IL1R1: variants seen among roughly 807,000 people sequenced by gnomAD.
The protein encoded by IL1R1 is interleukin-1 receptor type 1.
In IL1R1, 22 loss-of-function variants were observed where a neutral mutation model predicts 50.2. The ratio of observed to expected loss-of-function variants is 0.44; its 90% CI spans 0.31 to 0.63. The LOEUF is 0.63. Ranked by LOEUF, IL1R1 falls within the 20% of genes least tolerant of loss-of-function variation. IL1R1 has a pLI of 0.07. For synonymous variants in IL1R1, 251 were observed against 236.7 expected (o/e 1.06, Z -0.55); for missense variants, 509 against 676.2 (o/e 0.75, Z 2.74).
At chr2:102,089,763 T>C (rs959159677) in intron 1 of IL1R1, among the ~76,000 whole-genome samples, 6 of 152,146 alleles carry the variant, frequency 3.9e-5, no homozygotes, top group African/African-American at 1.2e-4. Context: ...GCTTTTAAAT[T>C]GTTGCTATTT....
At chr2:102,108,232 G>A (rs200483567) in intron 1 of IL1R1, among the ~76,000 whole-genome samples, 42 of 96,102 alleles carry the variant, frequency 4.4e-4, no homozygotes, top group African/African-American at 1.7e-3. Flanking sequence ...GTATGTATGT[G>A]TGTGTGTGTG....
chr2:102,147,572 C>G (rs1683266142), intron 1 of IL1R1, among the ~76,000 whole-genome samples: 1 of 152,154 alleles, frequency 6.6e-6, no homozygotes, highest in Non-Finnish European at 1.5e-5. Context: ...GAGGCCCATC[C>G]CTGTCTCTGG....
At chr2:102,149,763 G>A (rs1012982083) in intron 1 of IL1R1, among the ~76,000 whole-genome samples, 2 of 152,142 alleles carry the variant, frequency 1.3e-5, no homozygotes, top group African/African-American at 4.8e-5. Flanking sequence ...CATGCTCAGG[G>A]CCCCTTCCAA....
chr2:102,103,819 C>T (rs536775324), upstream of IL1R1, among the ~76,000 whole-genome samples: 1 of 151,854 alleles, frequency 6.6e-6, no homozygotes, highest in Non-Finnish European at 1.5e-5. Context: ...CATGGTGAAA[C>T]CCCATCTCTA....
At chr2:102,142,135 A>G (rs1682693995), upstream of IL1R1, 1 of 152,206 alleles carries the variant, frequency 6.6e-6, no homozygotes, top group South Asian at 2.1e-4. Context: ...CAACAATGAA[A>G]CCAGCAGATA....
Position 102,172,770 on chromosome 2 carries a change from A to T in IL1R1, c.923A>T (p.His308Leu). ...ISEIESRFYK[H>L]PFTCFAKNTH... The stretch of plus-strand genomic sequence containing the variant: ...GAAATTGAAAGTAGATTTTATAAAC[A>T]TCCATTTACCTGTTTTGCCAAGAAT... The change falls in exon 9 of 12, where the codon CAT (histidine) becomes CTT (leucine). Residue 308 changes from histidine to leucine, a missense_variant. His to Leu is a moderately conservative substitution (Grantham distance 99, BLOSUM62 -3). Transcript: ENST00000410023. The T allele has an allele frequency of 6.2e-7, 1 of 1,611,842 alleles. No homozygotes were observed. The highest frequency in any genetic ancestry group is 8.5e-7 in the Non-Finnish European group (1 of 1,177,948).
Position 102,175,493 on chromosome 2 carries a change from C to T in IL1R1, c.1151C>T (p.Thr384Ile), listed in dbSNP as rs185117655. 5.6e-6 allele frequency: 9 copies of T among 1,613,250 alleles called. No individual in the cohort carries two copies. The Admixed American group carries it at 1.2e-4, about 21-fold the overall frequency. ...FLPIKASDGK[T>I]YDAYILYPKT... is the part of the protein sequence containing the mutation. ...TTTCCTTTAGCTTCAGATGGAAAGA[C>T]CTATGACGCATATATACTGTATCCA... The change falls in exon 11 of 12, where the codon ACC becomes ATC. Residue 384 changes from threonine (T) to isoleucine (I), a missense_variant. Coordinates refer to ENST00000410023, the MANE Select transcript of IL1R1 (RefSeq NM_000877.4).
rs1686359289 is a variant in IL1R1 at position 102,178,904 on chromosome 2, A to G, written c.*2145A>G. 6.6e-6 allele frequency: 1 copy of G among 152,324 alleles called. No homozygotes were observed. The highest frequency in any genetic ancestry group is 2.1e-4 in the South Asian group (1 of 4,834). The allele number at this position is 152,324 out of a possible 1,614,324, so 9.4% of individuals were successfully genotyped here. A position where few individuals can be genotyped will look rare whatever the true frequency, so the allele number is the denominator to read the frequency against. ...GGTTTTTATATTTCTCGTATTTAAT[A>G]TGGGTGAACACCAACTTTTATTTGG... On this transcript the variant is annotated 3_prime_UTR_variant, in exon 12 of 12. Coordinates refer to ENST00000410023, the MANE Select transcript of IL1R1 (RefSeq NM_000877.4).
chr2:102,122,885 A>G (rs1681478234), intron 1 of IL1R1, among the ~76,000 whole-genome samples: 1 of 152,242 alleles, frequency 6.6e-6, no homozygotes, highest in South Asian at 2.1e-4. Context: ...ATGTATTTCA[A>G]TGTAAAATTC....
chr2:102,147,419 C>T (rs1683244759), intron 1 of IL1R1, among the ~76,000 whole-genome samples: 2 of 152,194 alleles, frequency 1.3e-5, no homozygotes, highest in African/African-American at 4.8e-5. Flanking sequence ...CTCTGGTTCT[C>T]AGTCAACTTT....
chr2:102,156,610 C>G lies in IL1R1; in HGVS notation c.-6-1109C>G, dbSNP rs140905733. On this transcript the variant is annotated intron_variant, in intron 2 of 11. Transcript: ENST00000410023. ...CACTGCAACCCCCGCCTCCTGGGTT[C>G]AAGCAATTCTCCCACCTCAGCCTCC... is the stretch of plus-strand genomic sequence containing the variant. Among the ~76,000 whole-genome samples the G allele has an allele frequency of 7.5e-3, 1,139 of 151,940 alleles. 15 individuals carry two copies. Among genetic ancestry groups the G allele is most frequent in the African/African-American group, 0.027 (1,104 of 41,384 alleles).
intron 1 of IL1R1, among the ~76,000 whole-genome samples, chr2:102,117,833 G>C (rs1681172395): frequency 6.6e-6 from 1 of 152,074 alleles, no homozygotes; most frequent in Admixed American, 6.6e-5. Flanking sequence ...TAGGACCTTG[G>C]AAGAGTACCA....
rs1414328152 is a variant in IL1R1 at position 102,178,479 on chromosome 2, T to TA, written c.*1727dup. On this transcript the variant is annotated 3_prime_UTR_variant, in exon 12 of 12. Transcript: ENST00000410023. ...TATATAGAGAAAGTGACCTATTTTTTAAAAAAATCACACTCTAAGTTCTAT... is the reference window on the plus strand; with the variant it reads ...TATATAGAGAAAGTGACCTATTTTTTAAAAAAAATCACACTCTAAGTTCTAT... 5 of 152,248 alleles carry TA rather than the reference T, an allele frequency of 3.3e-5. No individual in the cohort carries two copies. In the East Asian group the frequency reaches 5.7e-4, roughly 17 times the overall value. The allele number at this position is 152,248 out of a possible 1,614,324, so 9.4% of individuals were successfully genotyped here.
In IL1R1 at chr2:102,134,961, C is replaced by G. The variant is rs539737160; in HGVS notation, c.-83-18980C>G. On this transcript the variant is annotated intron_variant, in intron 1 of 10. Coordinates refer to the IL1R1 transcript ENST00000409329. ...GTTTCCCTGTGTCATTATTTTCATGCCCAGATTTAGCTGGGATATTGCTAG... is the reference window on the plus strand; with the variant it reads ...GTTTCCCTGTGTCATTATTTTCATGGCCAGATTTAGCTGGGATATTGCTAG... Among the ~76,000 whole-genome samples the G allele has an allele frequency of 1.2e-3, 185 of 152,220 alleles. 3 individuals are homozygous for G. Among genetic ancestry groups the G allele is most frequent in the Non-Finnish European group, 2.8e-4 (19 of 68,038 alleles).
intron 1 of IL1R1, among the ~76,000 whole-genome samples, chr2:102,116,775 C>A (rs1681098781): frequency 6.6e-6 from 1 of 152,190 alleles, no homozygotes; most frequent in East Asian, 1.9e-4. Context: ...GTTCACTTTT[C>A]CTTCTAGTGG....
rs201702622 is a variant in IL1R1 at position 102,176,335 on chromosome 2, G to T, written c.1304-18G>T. 2.8e-5 allele frequency: 45 copies of T among 1,608,288 alleles called. No homozygotes were observed. Among genetic ancestry groups the T allele is most frequent in the Non-Finnish European group, 3.8e-5 (45 of 1,177,182 alleles). On this transcript the variant is annotated intron_variant, in intron 11 of 11. Coordinates refer to ENST00000410023, the MANE Select transcript of IL1R1 (RefSeq NM_000877.4). ...TAAATAGAATTTTACTTACTATATTGTGCTTCCTGTTTTTCAGACATTGTT... is the reference window on the plus strand; with the variant it reads ...TAAATAGAATTTTACTTACTATATTTTGCTTCCTGTTTTTCAGACATTGTT...
chr2:102,097,393 T>A (rs1445841437), intron 1 of IL1R1, among the ~76,000 whole-genome samples: 1 of 152,220 alleles, frequency 6.6e-6, no homozygotes, highest in Non-Finnish European at 1.5e-5. Context: ...AGTGTGGACC[T>A]CTTTCTGTTT....
chr2:102,077,489 C>T lies in IL1R1; in HGVS notation c.-84+6956C>T, dbSNP rs1474390986. Among the ~76,000 whole-genome samples, 5 of 152,166 alleles carry T rather than the reference C, an allele frequency of 3.3e-5. No individual in the cohort carries two copies. The East Asian group carries it at 9.6e-4, about 29-fold the overall frequency. On this transcript the variant is annotated intron_variant, in intron 1 of 11. Transcript: ENST00000409929. ...ATTAGTTATTTTACCTTAAAAAAAT[C>T]TCTTTTGTGTCTCTGTTCAACATGC...
chr2:102,104,813 T>C (rs1471282932), exon 1 of IL1R1: 1 of 152,204 alleles, frequency 6.6e-6, no homozygotes, highest in Non-Finnish European at 1.5e-5. Context: ...TACCCCGACA[T>C]TCTCCACCTC....
Sources: allele counts gnomAD v4.1 joint callset (sites outside exome capture counted in the v4.1 genomes callset), GRCh38; gene constraint gnomAD v4.1.1; transcripts MANE v1.5; gene names NCBI Gene and HGNC (gene_info 2026-07-23, HGNC 2026-07-21).